MSH6: variants seen among roughly 807,000 people sequenced by gnomAD.
MSH6 encodes the protein DNA mismatch repair protein Msh6.
MSH6 carries 85 observed loss-of-function variants against 119.1 expected under a neutral mutation model. That is an observed-to-expected ratio of 0.71 (90% confidence interval 0.60 to 0.85). The LOEUF is 0.85. Among genes scored for constraint, MSH6 ranks in the 40% least tolerant of loss-of-function variants. The pLI is 0.00. For missense variants in MSH6, 2,163 were observed against 1,655.3 expected, an observed-to-expected ratio of 1.31 and a Z score of -5.32; for synonymous variants, 830 against 586.9, an observed-to-expected ratio of 1.41 and a Z score of -5.99.
At chr2:47,789,498 C>G (rs1482067291) in intron 1 of MSH6, 1 of 441,458 alleles carries the variant, frequency 2.3e-6, no homozygotes, top group Non-Finnish European at 4.6e-6. Context: ...TGAAATAATT[C>G]TTTTCTAATG....
At chr2:47,809,356 A>G, downstream of MSH6, 1 of 844,052 alleles carries the variant, frequency 1.2e-6, no homozygotes, top group Non-Finnish European at 1.8e-6. Flanking sequence ...CAGAAGAGCC[A>G]CTATTTTTAA....
rs2104410125 is a variant in MSH6, at chr2:47,800,490, A to T, written c.2507A>T (p.Asn836Ile). The T allele has an allele frequency of 6.2e-7, 1 of 1,613,088 alleles. No homozygotes were observed. Among genetic ancestry groups the T allele is most frequent in the South Asian group, 1.1e-5 (1 of 91,020 alleles). The change falls in exon 4 of 10, where the codon AAC becomes ATC. Residue 836 changes from asparagine (N) to isoleucine (I), a missense_variant. Coordinates refer to ENST00000234420, the MANE Select transcript of MSH6 (RefSeq NM_000179.3). The part of the protein sequence containing the change: ...HNVGSPLKSQ[N>I]HPDSRAIMYE... Reference sequence around the variant, plus strand: ...GTTGGGTCTCCCCTGAAGAGTCAGAACCACCCAGACAGCAGGGCTATAATG... The same window carrying T: ...GTTGGGTCTCCCCTGAAGAGTCAGATCCACCCAGACAGCAGGGCTATAATG...
rs560110301 is a variant in MSH6, at chr2:47,788,246, CTTTTTTT to C, written c.261-2661_261-2655del. On this transcript the variant is annotated intron_variant, in intron 1 of 9. Transcript: ENST00000234420. ...ATTTCTTTTCTTTCATTCTTTCTTT[CTTTTTTT>C]TTTTTTTTTTTTTTTTTTTGAGATG... 6.4e-3 allele frequency among the ~76,000 whole-genome samples: 575 copies of C among 90,008 alleles called. 2 individuals carry two copies. Among genetic ancestry groups the C allele is most frequent in the Non-Finnish European group, 9.4e-3 (456 of 48,368 alleles). 59.0% of individuals were successfully genotyped at this position (90,008 alleles called of 152,430 possible).
downstream of MSH6, chr2:47,808,337 T>C: frequency 6.2e-7 from 1 of 1,611,978 alleles, no homozygotes; most frequent in Non-Finnish European, 8.5e-7. Flanking sequence ...ACCTATCATG[T>C]CTAATAAACT....
At chr2:47,803,157 C>G (rs1330679803) in intron 4 of MSH6, among the ~76,000 whole-genome samples, 1 of 152,072 alleles carries the variant, frequency 6.6e-6, no homozygotes, top group Non-Finnish European at 1.5e-5. Context: ...ACCTCGTGAA[C>G]TCTGCCCGCC....
chr2:47,792,701 C>G (rs1035370443), intron 2 of MSH6, among the ~76,000 whole-genome samples: 2 of 152,072 alleles, frequency 1.3e-5, no homozygotes, highest in African/African-American at 2.4e-5. Flanking sequence ...GGGTCTCACT[C>G]TGTCACCCAG....
At position 47,794,455 on chromosome 2, in the gene MSH6, A is replaced by G. The variant is rs559269851; in HGVS notation, c.458-1439A>G. Among the ~76,000 whole-genome samples the G allele has an allele frequency of 1.6e-4, 25 of 151,808 alleles. No individual in the cohort carries two copies. In the South Asian group the frequency reaches 4.8e-3, roughly 29 times the overall value. On this transcript the variant is annotated intron_variant, in intron 2 of 9. Coordinates refer to ENST00000234420, the MANE Select transcript of MSH6 (RefSeq NM_000179.3). ...CCTGGCTAATTTTTGTATTTTTAGGAGAGATGGATGTCACCATGTTGGCCA... is the reference window on the plus strand; with the variant it reads ...CCTGGCTAATTTTTGTATTTTTAGGGGAGATGGATGTCACCATGTTGGCCA...
rs587780559 is a variant in MSH6, at chr2:47,803,410, C to A, written c.3173-10C>A. The A allele has an allele frequency of 1.1e-5, 18 of 1,614,036 alleles. No homozygotes were observed. The East Asian group carries it at 2.2e-4, about 20-fold the overall frequency. On this transcript the variant is annotated splice_polypyrimidine_tract_variant and intron_variant, in intron 4 of 9. Transcript: ENST00000234420. ...CGATGAAGCCTCACTTTTACCCTCT[C>A]TTTTAACAGATGTTTTACTGTGCCT... is the stretch of plus-strand genomic sequence containing the variant.
intron 1 of MSH6, among the ~76,000 whole-genome samples, chr2:47,788,922 G>GTTTTTTTTTTTTTTTTTTTTTTTTTT (rs1558650240): frequency 2.4e-4 from 10 of 40,952 alleles, no homozygotes; most frequent in African/African-American, 3.0e-4. Context: ...TTTTTTTTTT[G>GTTTTTTTTTTTTTTTTTTTTTTTTTT]TTTTTTTTTT....
intron 1 of MSH6, among the ~76,000 whole-genome samples, chr2:47,787,669 G>A (rs2104010246): frequency 6.6e-6 from 1 of 152,280 alleles, no homozygotes; most frequent in East Asian, 1.9e-4. Context: ...CCAGGCTGAA[G>A]TACAGTGGCA....
intron 1 of MSH6, among the ~76,000 whole-genome samples, chr2:47,788,246 C>CTTTTTTTTTTTTTTTTTTTTTTTTTTT (rs560110301): frequency 7.8e-5 from 7 of 90,052 alleles, no homozygotes; most frequent in Non-Finnish European, 1.2e-4. Flanking sequence ...TTCTTTCTTT[C>CTTTTTTTTTTTTTTTTTTTTTTTTTTT]TTTTTTTTTT....
At position 47,799,938 on chromosome 2, in the gene MSH6, G is replaced by A. The variant is rs1558663683; in HGVS notation, c.1955G>A (p.Gly652Glu). ...YFREKLSDGI[G>E]VMLPQVLKGM... ...AGGGAAAAGCTAAGTGATGGCATTG[G>A]GGTGATGTTACCCCAGGTGCTTAAA... Residue 652 changes from glycine (G) to glutamate (E), a missense_variant, in exon 4 of 10, where the codon GGG becomes GAG. Transcript: ENST00000234420. 6.2e-7 allele frequency: 1 copy of A among 1,614,086 alleles called. No homozygotes were observed. Among genetic ancestry groups the A allele is most frequent in the Non-Finnish European group, 8.5e-7 (1 of 1,180,030 alleles).
chr2:47,807,022 A>AT, downstream of MSH6: 1 of 651,822 alleles, frequency 1.5e-6, no homozygotes, highest in Non-Finnish European at 2.7e-6. Flanking sequence ...CATAATGGTT[A>AT]TTGAATACTC....
At chr2:47,806,050 A>G (rs1670012788) in intron 7 of MSH6, among the ~76,000 whole-genome samples, 154 bp from the exon 8 acceptor site, 1 of 152,208 alleles carries the variant, frequency 6.6e-6, no homozygotes. Context: ...GCTGCTAAGC[A>G]GACTCGTGTA....
intron 1 of MSH6, among the ~76,000 whole-genome samples, chr2:47,788,934 T>G (rs866886905): frequency 0.018 from 1,795 of 99,602 alleles, 40 homozygotes; most frequent in African/African-American, 0.076. Context: ...TTTTTTTTTT[T>G]TTTTTTTTTT....
intron 1 of MSH6, among the ~76,000 whole-genome samples, chr2:47,788,145 T>C (rs3136259): frequency 0.011 from 1,656 of 152,266 alleles, 17 homozygotes; most frequent in Admixed American, 0.015. Context: ...GGTACTCTTT[T>C]TCTTCAAGCT....
rs1270637949 is a variant in MSH6 at position 47,783,513 on chromosome 2, G to A, written c.260+20G>A. The A allele has an allele frequency of 2.1e-6, 3 of 1,418,632 alleles. No individual in the cohort carries two copies. The highest frequency in any genetic ancestry group is 3.1e-5 in the South Asian group (2 of 64,442). The allele number at this position is 1,418,632 out of a possible 1,614,324, so 87.9% of individuals were successfully genotyped here. A position where few individuals can be genotyped will look rare whatever the true frequency, so the allele number is the denominator to read the frequency against. On this transcript the variant is annotated intron_variant, in intron 1 of 9. Coordinates refer to ENST00000234420, the MANE Select transcript of MSH6 (RefSeq NM_000179.3). Reference sequence around the variant, plus strand: ...CACCAGGTAGCGGGGTGGGGGTGGGGTCGAAGGCGGGGGCATAGCGGCGGG... The same window carrying A: ...CACCAGGTAGCGGGGTGGGGGTGGGATCGAAGGCGGGGGCATAGCGGCGGG...
At chr2:47,795,765 C>T (rs1669041651) in intron 2 of MSH6, 129 bp from the exon 3 acceptor site, 3 of 813,858 alleles carry the variant, frequency 3.7e-6, no homozygotes, top group Non-Finnish European at 6.1e-6. Flanking sequence ...GCCACCACAC[C>T]TGGCATATAT....
chr2:47,804,047 G>A (rs188253518), intron 5 of MSH6, among the ~76,000 whole-genome samples: 1 of 152,146 alleles, frequency 6.6e-6, no homozygotes, highest in Non-Finnish European at 1.5e-5. Flanking sequence ...CTCATTTGCA[G>A]AAATGCAAAT....
Sources: gnomAD v4.1 joint callset for allele counts (sites outside exome capture counted in the v4.1 genomes callset) on GRCh38, gnomAD v4.1.1 for gene constraint, MANE v1.5 for transcripts, NCBI Gene and HGNC (gene_info 2026-07-23, HGNC 2026-07-21) for gene names.